The following TBC1D8 variants were observed in gnomAD, a reference collection of about 807,000 sequenced individuals.
The protein encoded by TBC1D8 is BUB2-like protein 1.
A neutral mutation model predicts 118.8 loss-of-function variants in TBC1D8; 65 were observed. That is an observed-to-expected ratio of 0.55 (90% CI 0.45 to 0.67). TBC1D8 has a LOEUF of 0.67. TBC1D8 is among the 30% of genes least tolerant of loss of function. The pLI is 0.00. For synonymous variants in TBC1D8, 566 were observed against 595.8 expected (o/e 0.95, Z 0.73); for missense variants, 1,376 against 1,471.2 (o/e 0.94, Z 1.06).
At chr2:101,077,340 C>T (rs1012908218) in intron 2 of TBC1D8, among the ~76,000 whole-genome samples, 9 of 150,208 alleles carry the variant, frequency 6.0e-5, no homozygotes, top group Non-Finnish European at 1.0e-4. Flanking sequence ...CTCCGCCTCC[C>T]GGGTTCACGC....
At chr2:101,143,935 A>T (rs1030678649) in intron 1 of TBC1D8, among the ~76,000 whole-genome samples, 3 of 152,238 alleles carry the variant, frequency 2.0e-5, no homozygotes, top group African/African-American at 7.2e-5. Context: ...CAGTGCTGGT[A>T]TAAGACAGTT....
At position 101,054,183 on chromosome 2, in the gene TBC1D8, T is replaced by C. The variant is rs200546627; in HGVS notation, c.556A>G (p.Arg186Gly). 6.1e-5 allele frequency: 99 copies of C among 1,613,530 alleles called. 1 individual carries two copies. The Admixed American group carries it at 9.7e-4, about 16-fold the overall frequency. ...TYYSCCCWKG[R>G]VPRQGWLYLS... ...TACAGCCAGCCCTGGCGGGGCACCC[T>C]GCCCTTCCAACAGCAGCAGGAGTAG... Residue 186 changes from arginine to glycine, a missense_variant, in exon 4 of 20, where the codon AGG becomes GGG. By Grantham distance (125) the Arg-to-Gly change is moderately radical. Transcript: ENST00000409318.
At chr2:101,102,500 C>T (rs544753508) in intron 1 of TBC1D8, among the ~76,000 whole-genome samples, 10 of 147,780 alleles carry the variant, frequency 6.8e-5, no homozygotes, top group Non-Finnish European at 1.2e-4. Context: ...GGTCTAAGTA[C>T]ACCAACTAAA....
At chr2:101,132,071 G>C (rs1264095864) in intron 1 of TBC1D8, among the ~76,000 whole-genome samples, 3 of 152,070 alleles carry the variant, frequency 2.0e-5, no homozygotes, top group Non-Finnish European at 4.4e-5. Context: ...TGGAAATAAA[G>C]TCAAACTTAA....
intron 5 of TBC1D8, among the ~76,000 whole-genome samples, chr2:101,044,273 T>C (rs1390555047): frequency 6.6e-6 from 1 of 152,258 alleles, no homozygotes; most frequent in Non-Finnish European, 1.5e-5. Flanking sequence ...ATTCGTTAAA[T>C]ATGTATTATA....
At chr2:101,120,343 G>C (rs1226600964) in intron 1 of TBC1D8, among the ~76,000 whole-genome samples, 2 of 152,180 alleles carry the variant, frequency 1.3e-5, no homozygotes, top group Non-Finnish European at 2.9e-5. Flanking sequence ...TGCTCCACTG[G>C]TTCTCAATCC....
chr2:101,048,413 G>A (rs1681842595), intron 5 of TBC1D8, among the ~76,000 whole-genome samples: 2 of 152,102 alleles, frequency 1.3e-5, no homozygotes, highest in East Asian at 1.9e-4. Context: ...AAAGGACACT[G>A]CCCCAAGCGT....
At chr2:101,062,941 T>C (rs1573963152) in intron 2 of TBC1D8, among the ~76,000 whole-genome samples, 1 of 152,114 alleles carries the variant, frequency 6.6e-6, no homozygotes, top group Non-Finnish European at 1.5e-5. Context: ...CGCCCAGCCC[T>C]GCTAATTTGA....
chr2:101,149,538 G>A (rs1360436283), intron 1 of TBC1D8, among the ~76,000 whole-genome samples: 4 of 152,162 alleles, frequency 2.6e-5, no homozygotes, highest in Non-Finnish European at 5.9e-5. Flanking sequence ...GAGCGTTTAC[G>A]GGACAAACTG....
At chr2:101,088,512 T>C (rs1169102757) in intron 2 of TBC1D8, among the ~76,000 whole-genome samples, 1 of 152,118 alleles carries the variant, frequency 6.6e-6, no homozygotes, top group African/African-American at 2.4e-5. Flanking sequence ...GGTCTTGAAC[T>C]CCTGACCTCG....
At position 101,007,234 on chromosome 2, in the gene TBC1D8, C is replaced by CAA. The variant is rs959270159; in HGVS notation, c.*585_*586dup. The CAA allele has an allele frequency of 1.3e-5, 2 of 152,404 alleles. No homozygotes were observed. Among genetic ancestry groups the CAA allele is most frequent in the African/African-American group, 2.4e-5 (1 of 41,556 alleles). 9.4% of individuals were successfully genotyped at this position (152,404 alleles called of 1,614,324 possible). On this transcript the variant is annotated 3_prime_UTR_variant, in exon 20 of 20. Transcript: ENST00000409318. ...GTAAAAGAAAAGGACCAAGTAAATA[C>CAA]AAAAAGTTTCTTATTAAAAAACTTG...
rs773141645 is a variant in TBC1D8, at chr2:101,010,959, T to C, written c.2985A>G (p.Lys995=). 1.9e-6 allele frequency: 3 copies of C among 1,613,008 alleles called. No individual in the cohort carries two copies. In the Admixed American group the frequency reaches 5.0e-5, roughly 27 times the overall value. Residue 995 remains lysine (K), a synonymous_variant, in exon 19 of 20, where the codon AAA becomes AAG. Transcript: ENST00000409318. ...TCATTTTGGGCAATTCTTTCTCAGTTTTATCTTTTTCTTTGGCTAAATCCT... is the reference window on the plus strand; with the variant it reads ...TCATTTTGGGCAATTCTTTCTCAGTCTTATCTTTTTCTTTGGCTAAATCCT... ...MIKDLAKEKD[K]TEKELPKMSQ...
At chr2:101,126,115 G>C (rs989085806) in intron 1 of TBC1D8, among the ~76,000 whole-genome samples, 2 of 152,176 alleles carry the variant, frequency 1.3e-5, no homozygotes, top group African/African-American at 4.8e-5. Flanking sequence ...GCTTCCACTC[G>C]TGGTGGAAGG....
chr2:101,140,009 C>T (rs991123483), intron 1 of TBC1D8, among the ~76,000 whole-genome samples: 6 of 152,182 alleles, frequency 3.9e-5, no homozygotes, highest in Non-Finnish European at 7.3e-5. Flanking sequence ...CTTTCTGCTG[C>T]TTTATCTACA....
chr2:101,042,164 CAA>C (rs1681426624), intron 5 of TBC1D8, among the ~76,000 whole-genome samples: 1 of 151,956 alleles, frequency 6.6e-6, no homozygotes, highest in African/African-American at 2.4e-5. Flanking sequence ...TCAGTAATGA[CAA>C]GAGAGAATGT....
At position 101,022,377 on chromosome 2, in the gene TBC1D8, C is replaced by G; in HGVS notation, c.2665G>C (p.Gly889Arg). ...LFQLVSPWTCGAHTEILAERT... is the reference protein window; with the variant it reads ...LFQLVSPWTCRAHTEILAERT... ...TCGGCGAGGATCTCCGTGTGGGCCC[C>G]GCAGGTCCAGGGCGAGACTAGCTGA... The change falls in exon 16 of 20, where the codon GGG (glycine) becomes CGG (arginine). Residue 889 changes from glycine to arginine, a missense_variant. Coordinates refer to ENST00000409318, the MANE Select transcript of TBC1D8 (RefSeq NM_001330348.2). The G allele has an allele frequency of 6.2e-7, 1 of 1,613,442 alleles. No individual in the cohort carries two copies. The highest frequency in any genetic ancestry group is 1.1e-5 in the South Asian group (1 of 91,042).
At chr2:101,013,451 T>C (rs1459810391) in intron 17 of TBC1D8, among the ~76,000 whole-genome samples, 1 of 152,220 alleles carries the variant, frequency 6.6e-6, no homozygotes, top group Non-Finnish European at 1.5e-5. Context: ...TCTAAATGGA[T>C]TGACAGACAA....
At chr2:101,105,361 A>T (rs1011435286) in intron 1 of TBC1D8, among the ~76,000 whole-genome samples, 7 of 152,144 alleles carry the variant, frequency 4.6e-5, no homozygotes, top group Non-Finnish European at 1.5e-5. Context: ...AGATATACAG[A>T]TGACAAATAA....
intron 17 of TBC1D8, among the ~76,000 whole-genome samples, chr2:101,020,875 T>C (rs972548093): frequency 1.3e-5 from 2 of 152,176 alleles, no homozygotes; most frequent in Non-Finnish European, 2.9e-5. Flanking sequence ...AGTCCCTCAT[T>C]AGCCATCTTG....
Sources: gnomAD v4.1 joint callset for allele counts (sites outside exome capture counted in the v4.1 genomes callset) on GRCh38, gnomAD v4.1.1 for gene constraint, MANE v1.5 for transcripts, NCBI Gene and HGNC (gene_info 2026-07-23, HGNC 2026-07-21) for gene names.